Variants in NEK3 observed in about 807,000 individuals in gnomAD.
NEK3 encodes the protein serine/threonine-protein kinase Nek3.
In NEK3, 54 loss-of-function variants were observed where a neutral mutation model predicts 66.0. The ratio of observed to expected loss-of-function variants is 0.82; its 90% CI spans 0.66 to 1.03. NEK3 has a LOEUF of 1.03. NEK3 is among the 50% of genes least tolerant of loss of function. The pLI is 0.00. For synonymous variants in NEK3, 200 were observed against 206.2 expected, an observed-to-expected ratio of 0.97 and a Z score of 0.26; for missense variants, 593 against 603.0, an observed-to-expected ratio of 0.98 and a Z score of 0.17.
At chr13:52,138,400 T>TA (rs1956222211) in intron 11 of NEK3, among the ~76,000 whole-genome samples, 1 of 152,170 alleles carries the variant, frequency 6.6e-6, no homozygotes, top group African/African-American at 2.4e-5. Context: ...AAATTGTGCA[T>TA]AAAAATGGGT....
At chr13:52,148,234 A>G (rs1956310521) in intron 8 of NEK3, 181 bp downstream of exon 8, 7 of 468,406 alleles carry the variant, frequency 1.5e-5, no homozygotes, top group Non-Finnish European at 1.5e-5. Flanking sequence ...TGAATAATGG[A>G]AATTTCCTAT....
intron 2 of NEK3, among the ~76,000 whole-genome samples, chr13:52,155,092 C>T (rs1371036672): frequency 2.0e-5 from 3 of 151,998 alleles, no homozygotes; most frequent in Non-Finnish European, 2.9e-5. Flanking sequence ...CCTACTCAAT[C>T]GGAAGCCTGG....
At chr13:52,140,103 T>C (rs1281654970) in intron 11 of NEK3, among the ~76,000 whole-genome samples, 1 of 122,710 alleles carries the variant, frequency 8.1e-6, no homozygotes, top group Admixed American at 8.4e-5. Flanking sequence ...TAGTCCCAGA[T>C]ACTTGGGAGG....
intron 7 of NEK3, among the ~76,000 whole-genome samples, chr13:52,148,949 C>T (rs1044519000): frequency 2.0e-5 from 3 of 152,136 alleles, no homozygotes; most frequent in Non-Finnish European, 4.4e-5. Flanking sequence ...TGTAGTGCAG[C>T]CTCACAATCT....
At chr13:52,147,490 C>A (rs1021671489) in intron 8 of NEK3, among the ~76,000 whole-genome samples, 8 of 152,176 alleles carry the variant, frequency 5.3e-5, no homozygotes, top group Admixed American at 6.5e-5. Context: ...ACCTTGAAAA[C>A]ACTGTGCTAG....
intron 11 of NEK3, among the ~76,000 whole-genome samples, chr13:52,139,006 G>T (rs1452363717): frequency 6.6e-6 from 1 of 152,074 alleles, no homozygotes; most frequent in Admixed American, 6.6e-5. Context: ...TGCTAAGGGG[G>T]GTGTGACAAC....
chr13:52,151,053 C>A, intron 7 of NEK3, 93 bp downstream of exon 7: 1 of 908,694 alleles, frequency 1.1e-6, no homozygotes, highest in Admixed American at 2.3e-5. Flanking sequence ...ATCCATGCAT[C>A]TGTTTTGAAG....
chr13:52,133,651 A>ACAC (rs779313254), intron 15 of NEK3, 38 bp downstream of exon 15: 3 of 1,539,176 alleles, frequency 1.9e-6, no homozygotes, highest in South Asian at 2.4e-5. Flanking sequence ...ACACACCCCC[A>ACAC]ACCCCAGCTA....
chr13:52,155,743 C>T (rs1053369746), intron 2 of NEK3, among the ~76,000 whole-genome samples: 1 of 152,190 alleles, frequency 6.6e-6, no homozygotes, highest in Non-Finnish European at 1.5e-5. Context: ...GTGGCACAAT[C>T]TCAGCTTACT....
intron 8 of NEK3, among the ~76,000 whole-genome samples, chr13:52,145,527 A>T (rs1134727): frequency 6.6e-6 from 1 of 151,800 alleles, no homozygotes; most frequent in Non-Finnish European, 1.5e-5. Flanking sequence ...TGCCCAGGCT[A>T]GTCTTGAACT....
Position 52,133,046 on chromosome 13 carries a change from A to C in NEK3, c.*96T>G, listed in dbSNP as rs1956166761. Reference sequence around the variant, plus strand: ...TTTCCTCTGCTTCATTCTGTTTCCAAAGGAAAATATACGTCGCATGAACTC... The same window carrying C: ...TTTCCTCTGCTTCATTCTGTTTCCACAGGAAAATATACGTCGCATGAACTC... On this transcript the variant is annotated 3_prime_UTR_variant, in exon 16 of 16. Transcript: ENST00000610828. The C allele has an allele frequency of 2.0e-6, 2 of 981,692 alleles. No individual in the cohort carries two copies. Among genetic ancestry groups the C allele is most frequent in the Non-Finnish European group, 3.1e-6 (2 of 638,194 alleles). 60.8% of individuals were successfully genotyped at this position (981,692 alleles called of 1,614,324 possible). A position where few individuals can be genotyped will look rare whatever the true frequency, so the allele number is the denominator to read the frequency against.
chr13:52,148,227 A>C, intron 8 of NEK3, 188 bp downstream of exon 8: 1 of 463,304 alleles, frequency 2.2e-6, no homozygotes. Flanking sequence ...GCCAAACTGA[A>C]TAATGGAAAT....
At chr13:52,140,869 G>T in intron 11 of NEK3, 151 bp downstream of exon 11, 1 of 482,204 alleles carries the variant, frequency 2.1e-6, no homozygotes, top group Non-Finnish European at 3.7e-6. Flanking sequence ...AGGCTGGAGT[G>T]CAATGGCGCA....
chr13:52,136,880 T>A lies in NEK3; in HGVS notation c.950A>T (p.Lys317Met). 1 of 1,568,158 alleles carries A rather than the reference T, an allele frequency of 6.4e-7. No homozygotes were observed. The highest frequency in any genetic ancestry group is 8.7e-7 in the Non-Finnish European group (1 of 1,155,482). ...GCTTTCCAAATCAGTATGGCTACCC[T>A]TTCTATCTTGTTCTTCCTCTTGCTT... is the stretch of plus-strand genomic sequence containing the variant. ...STVQEEEQDR[K>M]GSHTDLESIN... is the part of the protein sequence containing the mutation. The change falls in exon 12 of 16, where the codon AAG (lysine) becomes ATG (methionine). Residue 317 changes from lysine (K) to methionine (M), a missense_variant. Transcript: ENST00000610828.
At chr13:52,138,527 G>T (rs1335458969) in intron 11 of NEK3, among the ~76,000 whole-genome samples, 1 of 152,186 alleles carries the variant, frequency 6.6e-6, no homozygotes, top group Non-Finnish European at 1.5e-5. Flanking sequence ...GTGGGGTGTT[G>T]TTATTTATTT....
chr13:52,157,033 CAA>C (rs963337233), intron 1 of NEK3: 4 of 151,838 alleles, frequency 2.6e-5, no homozygotes, highest in Non-Finnish European at 4.4e-5. Context: ...CTTGGCTAGA[CAA>C]AGAGGAGGAA....
chr13:52,135,754 A>T lies in NEK3; in HGVS notation c.1284T>A (p.Phe428Leu). Residue 428 changes from phenylalanine (F) to leucine (L), a missense_variant, in exon 14 of 16, where the codon TTT becomes TTA. Phe to Leu is a conservative substitution (Grantham distance 22). Transcript: ENST00000610828. ...CTGGTCTATATATTGTGTATGTTTG[A>T]AAAGCCAAGCTGAGATCAGCATTCT... ...ILKNADLSLA[F>L]QTYTIYRPGS... The T allele has an allele frequency of 6.2e-7, 1 of 1,613,500 alleles. No individual in the cohort carries two copies. The highest frequency in any genetic ancestry group is 1.7e-5 in the Admixed American group (1 of 59,976).
At position 52,154,105 on chromosome 13, in the gene NEK3, A is replaced by C. The variant is rs1566862017; in HGVS notation, c.186T>G (p.Ile62Met). The change falls in exon 3 of 16, where the codon ATT (isoleucine) becomes ATG (methionine). Residue 62 changes from isoleucine (I) to methionine (M), a missense_variant. Coordinates refer to ENST00000610828, the MANE Select transcript of NEK3 (RefSeq NM_002498.3). The stretch of plus-strand genomic sequence containing the variant: ...CTTCAAATGATTCTTTGAAGGCAAC[A>C]ATATTAGGGTGTTTCATTTTGGCTA... The part of the protein sequence containing the change: ...VLLAKMKHPN[I>M]VAFKESFEAE... 6.2e-7 allele frequency: 1 copy of C among 1,611,694 alleles called. No individual in the cohort carries two copies.
chr13:52,147,866 T>G (rs1227504118), intron 8 of NEK3, among the ~76,000 whole-genome samples: 3 of 152,084 alleles, frequency 2.0e-5, no homozygotes, highest in African/African-American at 7.2e-5. Context: ...CATGGTGGTA[T>G]GCACCTGTAG....
Sources: gnomAD v4.1 joint callset for allele counts (sites outside exome capture counted in the v4.1 genomes callset) on GRCh38, gnomAD v4.1.1 for gene constraint, MANE v1.5 for transcripts, NCBI Gene and HGNC (gene_info 2026-07-23, HGNC 2026-07-21) for gene names.